The following MYORG variants were observed in gnomAD, a reference collection of about 807,000 sequenced individuals.
MYORG encodes alpha-galactosidase MYORG.
In MYORG, 45 loss-of-function variants were observed where a neutral mutation model predicts 49.8. That is an observed-to-expected ratio of 0.90 (90% confidence interval 0.71 to 1.16). MYORG has a LOEUF of 1.16. Ranked by LOEUF, MYORG falls within the 50% of genes most tolerant of loss-of-function variation. MYORG has a pLI of 0.00. For missense variants in MYORG, 1,110 were observed against 1,026.5 expected (o/e 1.08, Z -1.11); for synonymous variants, 552 against 462.9 (o/e 1.19, Z -2.47).
intron 1 of MYORG, among the ~76,000 whole-genome samples, chr9:34,373,533 A>G (rs1395911305): frequency 1.3e-5 from 2 of 152,196 alleles, no homozygotes; most frequent in East Asian, 3.9e-4. Context: ...GCTCACTGCA[A>G]TCTCTGCCTC....
rs1407471206 is a variant in MYORG at position 34,372,179 on chromosome 9, C to G, written c.765G>C (p.Ser255=). ...FHLGWNSTER[S]LRLQARYHDT... ...CGTGGTAGCGCGCCTGAAGCCGCAG[C>G]GAGCGCTCCGTGCTGTTCCAGCCCA... is the stretch of plus-strand genomic sequence containing the variant. The change falls in exon 2 of 2, where the codon TCG becomes TCC. Residue 255 remains serine (S), a synonymous_variant. Transcript: ENST00000297625. 3.7e-6 allele frequency: 6 copies of G among 1,611,190 alleles called. No homozygotes were observed. Among genetic ancestry groups the G allele is most frequent in the Middle Eastern group, 1.6e-4 (1 of 6,080 alleles).
At position 34,371,382 on chromosome 9, in the gene MYORG, C is replaced by T. The variant is rs1220176401; in HGVS notation, c.1562G>A (p.Arg521His). The T allele has an allele frequency of 6.2e-7, 1 of 1,613,210 alleles. No individual in the cohort carries two copies. Among genetic ancestry groups the T allele is most frequent in the South Asian group, 1.1e-5 (1 of 91,010 alleles). Residue 521 changes from arginine (R) to histidine (H), a missense_variant, in exon 2 of 2, where the codon CGC becomes CAC. Physicochemically the swap from Arg to His is conservative, Grantham distance 29 (BLOSUM62 0). Transcript: ENST00000297625. Reference sequence around the variant, plus strand: ...CAGGTCGTAGCCCCACACAGAGTCGCGATCCACCAGGCGGAAGAAGCAGGA... The same window carrying T: ...CAGGTCGTAGCCCCACACAGAGTCGTGATCCACCAGGCGGAAGAAGCAGGA... The part of the protein sequence containing the change: ...NISCFFRLVD[R>H]DSVWGYDLGL...
intron 1 of MYORG, among the ~76,000 whole-genome samples, chr9:34,375,303 C>T (rs1003305831): frequency 3.9e-5 from 6 of 152,220 alleles, no homozygotes; most frequent in Non-Finnish European, 7.3e-5. Context: ...ACTTCCCACA[C>T]GGTGCTAGCT....
In MYORG at chr9:34,367,039, G is replaced by C. The variant is rs1275259227; in HGVS notation, c.*3760C>G. 6.6e-6 allele frequency: 1 copy of C among 152,536 alleles called. No homozygotes were observed. The highest frequency in any genetic ancestry group is 1.5e-5 in the Non-Finnish European group (1 of 68,324). The allele number at this position is 152,536 out of a possible 1,614,324, so 9.4% of individuals were successfully genotyped here. ...AGGTTTAATGAACTCACAGTTCCATGTGGCTGGGAGGCCTCACAATCATGG... is the reference window on the plus strand; with the variant it reads ...AGGTTTAATGAACTCACAGTTCCATCTGGCTGGGAGGCCTCACAATCATGG... On this transcript the variant is annotated 3_prime_UTR_variant, in exon 2 of 2. Coordinates refer to ENST00000297625, the MANE Select transcript of MYORG (RefSeq NM_020702.5).
In MYORG at chr9:34,371,772, A is replaced by G; in HGVS notation, c.1172T>C (p.Val391Ala). The change falls in exon 2 of 2, where the codon GTG becomes GCG. Residue 391 changes from valine (V) to alanine (A), a missense_variant. Val to Ala is a moderately conservative substitution (Grantham distance 64, BLOSUM62 0). Transcript: ENST00000297625. ...CGAGTTGTAGTTGACAAAAGGGTGC[A>G]CCCAGAGCGTGACGCGGAAGCCGGC... is the stretch of plus-strand genomic sequence containing the variant. The part of the protein sequence containing the change: ...RDAGFRVTLW[V>A]HPFVNYNSSR... The G allele has an allele frequency of 6.2e-7, 1 of 1,613,842 alleles. No homozygotes were observed. Among genetic ancestry groups the G allele is most frequent in the Non-Finnish European group, 8.5e-7 (1 of 1,179,784 alleles).
Position 34,371,574 on chromosome 9 carries a change from A to AC in MYORG, c.1369dup (p.Val457GlyfsTer36). The AC allele has an allele frequency of 6.2e-7, 1 of 1,604,842 alleles. No individual in the cohort carries two copies. Among genetic ancestry groups the AC allele is most frequent in the Non-Finnish European group, 8.5e-7 (1 of 1,178,996 alleles). On this transcript the variant is annotated frameshift_variant, in exon 2 of 2. Coordinates refer to ENST00000297625, the MANE Select transcript of MYORG (RefSeq NM_020702.5). LOFTEE classifies it high-confidence loss of function. ...GCCCGCGTCGAACTTGAAGGAAGCCACGGAGTAGCGAGAGCGCAGCCGCCG... is the reference window on the plus strand; with the variant it reads ...GCCCGCGTCGAACTTGAAGGAAGCCACCGGAGTAGCGAGAGCGCAGCCGCCG...
rs1442847127 is a variant in MYORG at position 34,369,366 on chromosome 9, C to T, written c.*1433G>A. ...CAGCTGCAAAGTCAGAAAAAACTCA[C>T]TCCGGCTGAGGTTGCTCTTCTTAGA... On this transcript the variant is annotated 3_prime_UTR_variant, in exon 2 of 2. Transcript: ENST00000297625. 1 of 152,172 alleles carries T rather than the reference C, an allele frequency of 6.6e-6. No homozygotes were observed. The highest frequency in any genetic ancestry group is 1.5e-5 in the Non-Finnish European group (1 of 68,044). The allele number at this position is 152,172 out of a possible 1,614,324, so 9.4% of individuals were successfully genotyped here. A position where few individuals can be genotyped will look rare whatever the true frequency, so the allele number is the denominator to read the frequency against.
At position 34,370,445 on chromosome 9, in the gene MYORG, C is replaced by T. The variant is rs190825159; in HGVS notation, c.*354G>A. 2.6e-4 allele frequency: 51 copies of T among 198,922 alleles called. No homozygotes were observed. The highest frequency in any genetic ancestry group is 1.1e-3 in the African/African-American group (46 of 43,210). 12.3% of individuals were successfully genotyped at this position (198,922 alleles called of 1,614,324 possible). ...CACGAAAGCCAGGAGGGGGAGGTTT[C>T]TCTTTGTGCTTTTAAACCCCAACCA... is the stretch of plus-strand genomic sequence containing the variant. On this transcript the variant is annotated 3_prime_UTR_variant, in exon 2 of 2. Transcript: ENST00000297625.
rs760845693 is a variant in MYORG, at chr9:34,372,421, C to T, written c.523G>A (p.Ala175Thr). The T allele has an allele frequency of 2.3e-5, 37 of 1,582,140 alleles. No individual in the cohort carries two copies. The highest frequency in any genetic ancestry group is 2.1e-4 in the East Asian group (9 of 42,884). ...EAAPGRAVEH[A>T]MFLGDAAAHW... is the part of the protein sequence containing the mutation. ...GCCGCCGCGTCGCCCAAGAACATGG[C>T]GTGCTCCACGGCCCGGCCCGGCGCT... The change falls in exon 2 of 2, where the codon GCC becomes ACC. Residue 175 changes from alanine to threonine, a missense_variant. Ala to Thr is a moderately conservative substitution (Grantham distance 58). Transcript: ENST00000297625.
Position 34,371,678 on chromosome 9 carries a change from C to T in MYORG, c.1266G>A (p.Leu422=), listed in dbSNP as rs751456668. 1 of 1,609,160 alleles carries T rather than the reference C, an allele frequency of 6.2e-7. No individual in the cohort carries two copies. Among genetic ancestry groups the T allele is most frequent in the Non-Finnish European group, 8.5e-7 (1 of 1,177,804 alleles). The change falls in exon 2 of 2, where the codon CTG becomes CTA. Residue 422 remains leucine (L), a synonymous_variant. Transcript: ENST00000297625. ...CGCCGATGCCGTTCCACCAGCGCAC[C>T]AGCGCAGGTAACCGGCCCGTGGGTT... ...VREPTGRLPA[L]VRWWNGIGAV...
Position 34,372,244 on chromosome 9 carries a change from C to T in MYORG, c.700G>A (p.Ala234Thr), listed in dbSNP as rs1411767427. The T allele has an allele frequency of 2.5e-6, 4 of 1,610,554 alleles. No individual in the cohort carries two copies. The African/African-American group carries it at 5.3e-5, about 21-fold the overall frequency. The change falls in exon 2 of 2, where the codon GCG becomes ACG. Residue 234 changes from alanine (A) to threonine (T), a missense_variant. Ala to Thr is a moderately conservative substitution (Grantham distance 58). Coordinates refer to ENST00000297625, the MANE Select transcript of MYORG (RefSeq NM_020702.5). ...GAGTCATTGACTTTGATGGCGGCCG[C>T]GCGCGAAGATAGCCAGTAGCGCTCG... is the stretch of plus-strand genomic sequence containing the variant. The part of the protein sequence containing the change: ...ILERYWLSSR[A>T]AAIKVNDSVP...
In MYORG at chr9:34,367,168, T is replaced by C. The variant is rs1433719289; in HGVS notation, c.*3631A>G. On this transcript the variant is annotated 3_prime_UTR_variant, in exon 2 of 2. Transcript: ENST00000297625. ...AACCATCAGATCTCGTGAGACTTATTCACTACCACCAGAACAGTATGGGAG... is the reference window on the plus strand; with the variant it reads ...AACCATCAGATCTCGTGAGACTTATCCACTACCACCAGAACAGTATGGGAG... 6.6e-6 allele frequency: 1 copy of C among 152,090 alleles called. No homozygotes were observed. The highest frequency in any genetic ancestry group is 1.5e-5 in the Non-Finnish European group (1 of 68,026). 9.4% of individuals were successfully genotyped at this position (152,090 alleles called of 1,614,324 possible).
rs775768418 is a variant in MYORG at position 34,370,907 on chromosome 9, G to C, written c.2037C>G (p.Ala679=). ...CACCCTTGTAGCTGCGCCACTTGCCGGCGGGCAAATAGACGTCGCGCTCCT... is the reference window on the plus strand; with the variant it reads ...CACCCTTGTAGCTGCGCCACTTGCCCGCGGGCAAATAGACGTCGCGCTCCT... The part of the protein sequence containing the change: ...GKQERDVYLP[A]GKWRSYKGEL... Residue 679 remains alanine (A), a synonymous_variant, in exon 2 of 2, where the codon GCC becomes GCG. Transcript: ENST00000297625. 1 of 1,613,338 alleles carries C rather than the reference G, an allele frequency of 6.2e-7. No homozygotes were observed. The highest frequency in any genetic ancestry group is 1.1e-5 in the South Asian group (1 of 91,072).
At position 34,371,753 on chromosome 9, in the gene MYORG, G is replaced by C. The variant is rs371684810; in HGVS notation, c.1191C>G (p.Tyr397Ter). The C allele has an allele frequency of 6.8e-6, 11 of 1,613,564 alleles. No individual in the cohort carries two copies. The African/African-American group carries it at 1.2e-4, about 18-fold the overall frequency. The change falls in exon 2 of 2, where the codon TAC becomes TAG. Residue 397 changes from tyrosine to a stop codon, truncating the protein, a stop_gained. Coordinates refer to ENST00000297625, the MANE Select transcript of MYORG (RefSeq NM_020702.5). LOFTEE classifies it high-confidence loss of function. ...CGCCCTCGCCGAAGCGCGACGAGTT[G>C]TAGTTGACAAAAGGGTGCACCCAGA... ...VTLWVHPFVN[Y>*]NSSRFGEGVE...
At position 34,371,450 on chromosome 9, in the gene MYORG, G is replaced by C; in HGVS notation, c.1494C>G (p.Phe498Leu). Residue 498 changes from phenylalanine (F) to leucine (L), a missense_variant, in exon 2 of 2, where the codon TTC becomes TTG. Physicochemically the swap from Phe to Leu is conservative, Grantham distance 22. Transcript: ENST00000297625. ...AGCCTACGCGCACCTCCGCCAGCGA[G>C]AAGAAGGGCAGCGCCATCTCAGTGT... ...RRYTEMALPF[F>L]SLAEVRVGYQ... The C allele has an allele frequency of 6.2e-7, 1 of 1,612,942 alleles. No individual in the cohort carries two copies. Among genetic ancestry groups the C allele is most frequent in the Non-Finnish European group, 8.5e-7 (1 of 1,179,774 alleles).
Position 34,371,803 on chromosome 9 carries a change from G to T in MYORG, c.1141C>A (p.Arg381Ser), listed in dbSNP as rs375528222. 3 of 1,613,868 alleles carry T rather than the reference G, an allele frequency of 1.9e-6. No individual in the cohort carries two copies. Among genetic ancestry groups the T allele is most frequent in the Non-Finnish European group, 2.5e-6 (3 of 1,179,844 alleles). Residue 381 changes from arginine to serine, a missense_variant, in exon 2 of 2, where the codon CGC (arginine) becomes AGC (serine). Arg to Ser is a moderately radical substitution (Grantham distance 110). Transcript: ENST00000297625. Reference protein sequence around the residue: ...PNASDMFRRLRDAGFRVTLWV... With the variant: ...PNASDMFRRLSDAGFRVTLWV... ...AGCGTGACGCGGAAGCCGGCGTCGCGCAGGCGGCGGAACATGTCGCTGGCG... is the reference window on the plus strand; with the variant it reads ...AGCGTGACGCGGAAGCCGGCGTCGCTCAGGCGGCGGAACATGTCGCTGGCG...
In MYORG at chr9:34,371,693, G is replaced by C. The variant is rs1820604057; in HGVS notation, c.1251C>G (p.Gly417=). The change falls in exon 2 of 2, where the codon GGC becomes GGG. Residue 417 remains glycine (G), a synonymous_variant. Coordinates refer to ENST00000297625, the MANE Select transcript of MYORG (RefSeq NM_020702.5). ...ERELFVREPT[G]RLPALVRWWN... is the part of the protein sequence containing the mutation. ...ACCAGCGCACCAGCGCAGGTAACCG[G>C]CCCGTGGGTTCGCGCACGAACAGCT... 6.2e-7 allele frequency: 1 copy of C among 1,610,274 alleles called. No homozygotes were observed. The highest frequency in any genetic ancestry group is 1.3e-5 in the African/African-American group (1 of 74,874).
intron 1 of MYORG, among the ~76,000 whole-genome samples, chr9:34,374,511 G>A (rs1462872515): frequency 6.6e-6 from 1 of 151,882 alleles, no homozygotes; most frequent in Non-Finnish European, 1.5e-5. Context: ...TTGGCCCAGC[G>A]CACCTCCTCC....
Position 34,371,503 on chromosome 9 carries a change from G to T in MYORG, c.1441C>A (p.Pro481Thr). Residue 481 changes from proline (P) to threonine (T), a missense_variant, in exon 2 of 2, where the codon CCG becomes ACG. Physicochemically the swap from Pro to Thr is conservative, Grantham distance 38 (BLOSUM62 -1). Transcript: ENST00000297625. ...PRDFSTYRPL[P>T]DPSVWSRRYT... is the part of the protein sequence containing the mutation. Reference sequence around the variant, plus strand: ...CGCCGGCTCCAGACGCTGGGGTCCGGCAGCGGCCGGTAGGTGCTGAAGTCC... The same window carrying T: ...CGCCGGCTCCAGACGCTGGGGTCCGTCAGCGGCCGGTAGGTGCTGAAGTCC... 1 of 1,610,058 alleles carries T rather than the reference G, an allele frequency of 6.2e-7. No individual in the cohort carries two copies.
Sources: gnomAD v4.1 joint callset for allele counts (sites outside exome capture counted in the v4.1 genomes callset) on GRCh38, gnomAD v4.1.1 for gene constraint, MANE v1.5 for transcripts, NCBI Gene and HGNC (gene_info 2026-07-23, HGNC 2026-07-21) for gene names.